ZCCHC14: variants seen among roughly 807,000 people sequenced by gnomAD.
The protein encoded by ZCCHC14 is zinc finger CCHC domain-containing protein 14.
In ZCCHC14, 16 loss-of-function variants were observed where a neutral mutation model predicts 85.0. That is an observed-to-expected ratio of 0.19 (90% CI 0.13 to 0.29). The LOEUF (loss-of-function observed/expected upper bound fraction) is 0.29, where lower values mean the gene tolerates loss of function less well. ZCCHC14 is among the 10% of genes least tolerant of loss of function. The pLI, the probability that ZCCHC14 is intolerant of heterozygous loss-of-function variation, is 1.00. For missense variants in ZCCHC14, 1,303 were observed against 1,443.5 expected (o/e 0.90, Z 1.58); for synonymous variants, 775 against 630.7 (o/e 1.23, Z -3.43).
chr16:87,408,716 G>C lies in ZCCHC14; in HGVS notation c.*1564C>G, dbSNP rs142921841. 8 of 152,546 alleles carry C rather than the reference G, an allele frequency of 5.2e-5. No individual in the cohort carries two copies. The East Asian group carries it at 1.5e-3, about 29-fold the overall frequency. 9.4% of individuals were successfully genotyped at this position (152,546 alleles called of 1,614,324 possible). A position where few individuals can be genotyped will look rare whatever the true frequency, so the allele number is the denominator to read the frequency against. On this transcript the variant is annotated 3_prime_UTR_variant, in exon 13 of 13. Coordinates refer to ENST00000671377, the MANE Select transcript of ZCCHC14 (RefSeq NM_015144.3). ...AACAACTTTCTGCTTTAGTTTCTAT[G>C]AAGTTAGGAACTGCTCTTCAAATTG...
intron 2 of ZCCHC14, among the ~76,000 whole-genome samples, chr16:87,434,441 C>T (rs186491784): frequency 3.9e-5 from 6 of 152,346 alleles, no homozygotes; most frequent in African/African-American, 1.4e-4. Context: ...GAGCATTCTC[C>T]CTCCTTCCTC....
chr16:87,465,720 C>G (rs76803245), intron 1 of ZCCHC14, among the ~76,000 whole-genome samples: 289 of 152,322 alleles, frequency 1.9e-3, no homozygotes, highest in African/African-American at 6.5e-3. Context: ...GCCTGAGAAT[C>G]TTGCATTTCT....
At chr16:87,442,923 C>A (rs1910254852) in intron 2 of ZCCHC14, among the ~76,000 whole-genome samples, 1 of 152,114 alleles carries the variant, frequency 6.6e-6, no homozygotes, top group South Asian at 2.1e-4. Context: ...AATAAGACAC[C>A]CTCAGATGAA....
intron 1 of ZCCHC14, chr16:87,472,771 CTG>C (rs1292756581): frequency 6.6e-6 from 1 of 152,316 alleles, no homozygotes; most frequent in Non-Finnish European, 1.5e-5. Flanking sequence ...GGGGCTCGCT[CTG>C]TTGCCCAGGC....
At chr16:87,416,868 T>A (rs76597500) in intron 8 of ZCCHC14, among the ~76,000 whole-genome samples, 60 of 152,296 alleles carry the variant, frequency 3.9e-4, no homozygotes, top group African/African-American at 1.4e-3. Flanking sequence ...AATTGTAGAT[T>A]TTTCGAGAAA....
At chr16:87,416,871 T>C (rs1221666378) in intron 8 of ZCCHC14, among the ~76,000 whole-genome samples, 2 of 152,254 alleles carry the variant, frequency 1.3e-5, no homozygotes, top group Non-Finnish European at 2.9e-5. Flanking sequence ...TGTAGATTTT[T>C]CGAGAAATGA....
intron 1 of ZCCHC14, among the ~76,000 whole-genome samples, chr16:87,481,552 G>GGGGA (rs1567544383): frequency 3.2e-5 from 1 of 31,166 alleles, no homozygotes; most frequent in Non-Finnish European, 7.0e-5. Context: ...TGGGGGGGGG[G>GGGGA]AAGGGTAAGC....
intron 1 of ZCCHC14, among the ~76,000 whole-genome samples, chr16:87,466,979 A>G (rs1184963017): frequency 6.6e-6 from 1 of 152,158 alleles, no homozygotes; most frequent in East Asian, 1.9e-4. Flanking sequence ...GCCACATAAA[A>G]ACAAGCCCTG....
intron 1 of ZCCHC14, among the ~76,000 whole-genome samples, chr16:87,481,535 G>T (rs868823388): frequency 3.2e-5 from 1 of 31,252 alleles, no homozygotes; most frequent in African/African-American, 1.0e-4. Context: ...ACGGGGGGGG[G>T]GGGGGGTGGG....
chr16:87,484,309 A>AG (rs1912417353), intron 1 of ZCCHC14, among the ~76,000 whole-genome samples: 1 of 152,204 alleles, frequency 6.6e-6, no homozygotes, highest in Non-Finnish European at 1.5e-5. Context: ...AGCCTCTGGC[A>AG]CTTTTCCATT....
intron 2 of ZCCHC14, among the ~76,000 whole-genome samples, chr16:87,441,646 G>A (rs909738337): frequency 6.6e-6 from 1 of 152,130 alleles, no homozygotes; most frequent in African/African-American, 2.4e-5. Flanking sequence ...TTTATTGTAG[G>A]AAAATATGTT....
At chr16:87,423,950 G>T in intron 3 of ZCCHC14, 69 bp from the exon 4 acceptor site, 1 of 1,533,564 alleles carries the variant, frequency 6.5e-7, no homozygotes, top group Non-Finnish European at 8.9e-7. Context: ...CACGTGTCCT[G>T]GTACGACTGG....
At chr16:87,450,152 C>A (rs1910627650) in intron 2 of ZCCHC14, among the ~76,000 whole-genome samples, 1 of 152,184 alleles carries the variant, frequency 6.6e-6, no homozygotes, top group South Asian at 2.1e-4. Flanking sequence ...AAGAGCTGTA[C>A]CACGATCACA....
intron 1 of ZCCHC14, among the ~76,000 whole-genome samples, chr16:87,464,161 C>A (rs1567535918): frequency 6.6e-6 from 1 of 152,210 alleles, no homozygotes; most frequent in African/African-American, 2.4e-5. Context: ...CAACTCTCAG[C>A]CTGCTAGGGG....
At position 87,407,202 on chromosome 16, in the gene ZCCHC14, C is replaced by G. The variant is rs1235716336; in HGVS notation, c.*3078G>C. ...CTGTGGTATAAACTAACTGTGCTGA[C>G]TTTGGGCAATAAAGGACCTAGAATT... On this transcript the variant is annotated 3_prime_UTR_variant, in exon 13 of 13. Transcript: ENST00000671377. 1 of 152,188 alleles carries G rather than the reference C, an allele frequency of 6.6e-6. No individual in the cohort carries two copies. The highest frequency in any genetic ancestry group is 1.5e-5 in the Non-Finnish European group (1 of 68,034). The allele number at this position is 152,188 out of a possible 1,614,324, so 9.4% of individuals were successfully genotyped here. A position where few individuals can be genotyped will look rare whatever the true frequency, so the allele number is the denominator to read the frequency against.
In ZCCHC14 at chr16:87,429,982, A is replaced by G. The variant is rs540601416; in HGVS notation, c.768+3146T>C. Among the ~76,000 whole-genome samples, 5 of 152,362 alleles carry G rather than the reference A, an allele frequency of 3.3e-5. No homozygotes were observed. In the South Asian group the frequency reaches 1.0e-3, roughly 32 times the overall value. ...AACATATAAATCCTTCATCAGCTACATGACTTGCAAATATTTTCTCCTAAT... is the reference window on the plus strand; with the variant it reads ...AACATATAAATCCTTCATCAGCTACGTGACTTGCAAATATTTTCTCCTAAT... On this transcript the variant is annotated intron_variant, in intron 3 of 12. Transcript: ENST00000671377.
chr16:87,433,257 A>C (rs1186279209), intron 2 of ZCCHC14, 56 bp from the exon 3 acceptor site: 1 of 1,505,858 alleles, frequency 6.6e-7, no homozygotes, highest in Non-Finnish European at 9.1e-7. Context: ...TATATACATG[A>C]TTATTTAGCA....
intron 2 of ZCCHC14, among the ~76,000 whole-genome samples, chr16:87,451,601 C>T (rs1479907340): frequency 6.6e-6 from 1 of 152,180 alleles, no homozygotes; most frequent in Admixed American, 6.5e-5. Context: ...GGCATTAGTA[C>T]GTTCTAAGCG....
chr16:87,492,245 G>T lies in ZCCHC14; in HGVS notation c.-7C>A, dbSNP rs1236495133. 1 of 982,142 alleles carries T rather than the reference G, an allele frequency of 1.0e-6. No individual in the cohort carries two copies. Among genetic ancestry groups the T allele is most frequent in the Non-Finnish European group, 1.2e-6 (1 of 828,980 alleles). The allele number at this position is 982,142 out of a possible 1,614,324, so 60.8% of individuals were successfully genotyped here. The stretch of plus-strand genomic sequence containing the variant: ...GGCAGCGCTTCTCCACCATGCTGCC[G>T]CCCGCGCCGCGCCGCGACCCGGGGC... On this transcript the variant is annotated 5_prime_UTR_variant, in exon 1 of 13. Coordinates refer to ENST00000671377, the MANE Select transcript of ZCCHC14 (RefSeq NM_015144.3). This position sits in a 1 kb window ranked among gnomAD's most constrained non-coding sequence, Gnocchi z 6.7.
Sources: allele counts gnomAD v4.1 joint callset (sites outside exome capture counted in the v4.1 genomes callset), GRCh38; gene constraint gnomAD v4.1.1; non-coding constraint Gnocchi (gnomAD v3.1); transcripts MANE v1.5; gene names NCBI Gene and HGNC (gene_info 2026-07-23, HGNC 2026-07-21).